The following BAZ2B variants were observed in gnomAD, a reference collection of about 807,000 sequenced individuals.
The protein encoded by BAZ2B is bromodomain adjacent to zinc finger domain protein 2B.
BAZ2B carries 91 observed loss-of-function variants against 246.0 expected under a neutral mutation model. That is an observed-to-expected ratio of 0.37 (90% CI 0.31 to 0.44). BAZ2B has a LOEUF of 0.44. Ranked by LOEUF, BAZ2B falls within the 20% of genes least tolerant of loss-of-function variation. BAZ2B has a pLI of 1.00. For synonymous variants in BAZ2B, 855 were observed against 860.0 expected, an observed-to-expected ratio of 0.99 and a Z score of 0.10; for missense variants, 2,332 against 2,533.7, an observed-to-expected ratio of 0.92 and a Z score of 1.71.
the BAZ2B span, among the ~76,000 whole-genome samples, chr2:159,633,401 G>A: frequency 5.3e-5 from 8 of 152,276 alleles, no homozygotes; most frequent in East Asian, 1.9e-4. Flanking sequence ...AGAGACAGGC[G>A]AAGGAGAATA....
Position 159,324,953 on chromosome 2 carries a change from T to C in BAZ2B, c.6211A>G (p.Met2071Val). Residue 2071 changes from methionine (M) to valine (V), a missense_variant and splice_region_variant, in exon 36 of 37, where the codon ATG becomes GTG. By Grantham distance (21) the Met-to-Val change is conservative. Coordinates refer to ENST00000392783, the MANE Select transcript of BAZ2B (RefSeq NM_013450.4). ...DDSKDLALCS[M>V]ILTEMETHED... Reference sequence around the variant, plus strand: ...TGAGTTTCCATTTCAGTCAGAATCATACTAAAGAAAATAATGTTTGAAATC... The same window carrying C: ...TGAGTTTCCATTTCAGTCAGAATCACACTAAAGAAAATAATGTTTGAAATC... 1.3e-6 allele frequency: 2 copies of C among 1,515,488 alleles called. No homozygotes were observed. The highest frequency in any genetic ancestry group is 1.7e-6 in the Non-Finnish European group (2 of 1,144,148). 93.9% of individuals were successfully genotyped at this position (1,515,488 alleles called of 1,614,324 possible).
the BAZ2B span, among the ~76,000 whole-genome samples, chr2:159,657,846 G>A: frequency 1.3e-5 from 2 of 152,150 alleles, no homozygotes; most frequent in Non-Finnish European, 2.9e-5. Context: ...ATTAGTTCCA[G>A]ATTTTTTGGT....
chr2:159,698,134 A>G, the BAZ2B span, among the ~76,000 whole-genome samples: 3 of 152,198 alleles, frequency 2.0e-5, no homozygotes, highest in African/African-American at 7.2e-5. Context: ...CCCAGTACAT[A>G]TTAGTATGCT....
chr2:159,433,164 A>G lies in BAZ2B; in HGVS notation c.1493T>C (p.Ile498Thr), dbSNP rs770580185. Reference protein sequence around the residue: ...LLGNHQPNGVIQSVIQEAPLA... With the variant: ...LLGNHQPNGVTQSVIQEAPLA... ...AGGAGCTTCTTGAATGACACTTTGA[A>G]TAACTCCATTTGGTTGGTGATTACC... The change falls in exon 9 of 37, where the codon ATT (isoleucine) becomes ACT (threonine). Residue 498 changes from isoleucine (I) to threonine (T), a missense_variant. Ile to Thr is a moderately conservative substitution (Grantham distance 89, BLOSUM62 -1). Around this residue, in one of 9 missense-constraint regions of BAZ2B, gnomAD observed 651 missense variants for 650.9 expected, o/e 1.00. Coordinates refer to ENST00000392783, the MANE Select transcript of BAZ2B (RefSeq NM_013450.4). 1 of 1,614,210 alleles carries G rather than the reference A, an allele frequency of 6.2e-7. No individual in the cohort carries two copies. The highest frequency in any genetic ancestry group is 2.2e-5 in the East Asian group (1 of 44,886).
intron 27 of BAZ2B, among the ~76,000 whole-genome samples, chr2:159,359,902 A>G (rs139607148): frequency 0.036 from 5,448 of 151,934 alleles, 193 homozygotes; most frequent in African/African-American, 0.097. Flanking sequence ...ACAAAATTCA[A>G]CAGCCCTTCA....
chr2:159,659,019 T>C, the BAZ2B span, among the ~76,000 whole-genome samples: 1 of 152,204 alleles, frequency 6.6e-6, no homozygotes, highest in Non-Finnish European at 1.5e-5. Flanking sequence ...TTTCTTGTAA[T>C]GTCTTTGTCT....
intron 2 of BAZ2B, among the ~76,000 whole-genome samples, chr2:159,497,210 T>C (rs985012728): frequency 6.6e-6 from 1 of 152,200 alleles, no homozygotes; most frequent in Non-Finnish European, 1.5e-5. Context: ...ACAAAGGAGA[T>C]GCAAACACAA....
intron 16 of BAZ2B, among the ~76,000 whole-genome samples, chr2:159,401,123 TC>T (rs1341030346): frequency 1.3e-5 from 2 of 152,228 alleles, no homozygotes; most frequent in African/African-American, 4.8e-5. Context: ...ATATATATTT[TC>T]ATGTCTGAAA....
chr2:159,461,143 T>A (rs58011051), intron 3 of BAZ2B: 1 of 152,412 alleles, frequency 6.6e-6, no homozygotes, highest in Non-Finnish European at 1.5e-5. Flanking sequence ...GTTTTTTTTT[T>A]ACATGTATGT....
intron 1 of BAZ2B, among the ~76,000 whole-genome samples, chr2:159,601,687 C>G (rs1692187448): frequency 6.6e-6 from 1 of 152,118 alleles, no homozygotes; most frequent in South Asian, 2.1e-4. Context: ...TGCCATTGTA[C>G]TCCAGCCTGG....
intron 1 of BAZ2B, among the ~76,000 whole-genome samples, chr2:159,585,868 C>G (rs959458452): frequency 6.6e-6 from 1 of 152,226 alleles, no homozygotes; most frequent in Admixed American, 6.5e-5. Flanking sequence ...TCAGCTGTGA[C>G]CTGCTTGCTG....
intron 13 of BAZ2B, among the ~76,000 whole-genome samples, chr2:159,421,064 T>C (rs890541120): frequency 1.3e-5 from 2 of 152,204 alleles, no homozygotes; most frequent in African/African-American, 2.4e-5. Flanking sequence ...ACTATCAATA[T>C]GCTGAAAAGT....
At chr2:159,349,350 T>G in intron 28 of BAZ2B, 70 bp from the exon 29 acceptor site, 1 of 1,430,192 alleles carries the variant, frequency 7.0e-7, no homozygotes, top group Non-Finnish European at 9.3e-7. Flanking sequence ...GTTTGGAATA[T>G]GAAATTATTT....
In BAZ2B at chr2:159,373,545, A is replaced by G. The variant is rs1399833069; in HGVS notation, c.4069-356T>C. On this transcript the variant is annotated intron_variant, in intron 26 of 36. Coordinates refer to ENST00000392783, the MANE Select transcript of BAZ2B (RefSeq NM_013450.4). Reference sequence around the variant, plus strand: ...CAGTATATAACAAATAATACATATAATATGGCCAGGCACAGTGGCTCATGC... The same window carrying G: ...CAGTATATAACAAATAATACATATAGTATGGCCAGGCACAGTGGCTCATGC... Among the ~76,000 whole-genome samples the G allele has an allele frequency of 3.3e-5, 5 of 152,212 alleles. No individual in the cohort carries two copies. The East Asian group carries it at 9.6e-4, about 29-fold the overall frequency.
At chr2:159,467,213 G>C (rs919056036) in intron 3 of BAZ2B, among the ~76,000 whole-genome samples, 1 of 152,184 alleles carries the variant, frequency 6.6e-6, no homozygotes, top group African/African-American at 2.4e-5. Context: ...TTAGGTCATG[G>C]AGGATGTGCA....
chr2:159,381,884 C>A (rs2062033295), intron 25 of BAZ2B, among the ~76,000 whole-genome samples: 1 of 152,182 alleles, frequency 6.6e-6, no homozygotes. Context: ...GCCTGGAACA[C>A]TCTTCCCTAG....
At chr2:159,440,501 G>A (rs1032337799) in intron 6 of BAZ2B, among the ~76,000 whole-genome samples, 13 of 146,366 alleles carry the variant, frequency 8.9e-5, no homozygotes, top group African/African-American at 2.5e-4. Context: ...ATTATATTCC[G>A]TTTGCAATGA....
chr2:159,546,701 GCATACCA>G (rs1161411482), intron 2 of BAZ2B, among the ~76,000 whole-genome samples: 4 of 151,266 alleles, frequency 2.6e-5, no homozygotes, highest in Non-Finnish European at 5.9e-5. Context: ...GGTAGGCATG[GCATACCA>G]CATGATCTAA....
In BAZ2B at chr2:159,385,338, T is replaced by C; in HGVS notation, c.3503A>G (p.Asn1168Ser). 6.2e-7 allele frequency: 1 copy of C among 1,613,066 alleles called. No homozygotes were observed. The highest frequency in any genetic ancestry group is 8.5e-7 in the Non-Finnish European group (1 of 1,179,592). ...AACATTGTCTCGATTCACACCAACA[T>C]TCAGCAAATGTTCTCCAAGAGCTGT... The part of the protein sequence containing the change: ...AKTALGEHLL[N>S]VGVNRDNVSE... The change falls in exon 23 of 37, where the codon AAT (asparagine) becomes AGT (serine). Residue 1168 changes from asparagine to serine, a missense_variant. This residue lies in a region of BAZ2B where 328 missense variants were observed against 410.4 expected (regional missense o/e 0.80). Transcript: ENST00000392783.
Sources: gnomAD v4.1 joint callset for allele counts (sites outside exome capture counted in the v4.1 genomes callset) on GRCh38, gnomAD v4.1.1 for gene constraint, gnomAD v4.1.1 regional missense constraint, MANE v1.5 for transcripts, NCBI Gene and HGNC (gene_info 2026-07-23, HGNC 2026-07-21) for gene names.